The following CARMIL1 variants were observed in gnomAD, a reference collection of about 807,000 sequenced individuals.
CARMIL1 encodes the protein capping protein regulator and myosin 1 linker 1, also known as F-actin-uncapping protein LRRC16A.
In CARMIL1, 90 loss-of-function variants were observed where a neutral mutation model predicts 177.1. The observed-to-expected ratio is 0.51, with a 90% confidence interval of 0.43 to 0.61. The LOEUF (loss-of-function observed/expected upper bound fraction) is 0.61. Among genes scored for constraint, CARMIL1 ranks in the 20% least tolerant of loss-of-function variants. The pLI is 0.00. For missense variants in CARMIL1, 1,380 were observed against 1,667.0 expected (o/e 0.83, Z 3.00); for synonymous variants, 577 against 606.2 (o/e 0.95, Z 0.71).
At chr6:25,384,862 C>T (rs2150503933) in intron 2 of CARMIL1, among the ~76,000 whole-genome samples, 1 of 152,280 alleles carries the variant, frequency 6.6e-6, no homozygotes, top group East Asian at 1.9e-4. Flanking sequence ...TCTCGGCAAG[C>T]CTAACATCAT....
intron 8 of CARMIL1, among the ~76,000 whole-genome samples, chr6:25,457,321 G>A (rs1042425685): frequency 2.6e-5 from 4 of 151,978 alleles, no homozygotes; most frequent in South Asian, 4.2e-4. Context: ...TAGAGGGGAG[G>A]ATATGCAAAA....
chr6:25,593,741 C>T (rs1814549406), intron 31 of CARMIL1, among the ~76,000 whole-genome samples: 1 of 152,168 alleles, frequency 6.6e-6, no homozygotes, highest in Non-Finnish European at 1.5e-5. Context: ...TCACATATGC[C>T]TCACATAACT....
At chr6:25,413,340 G>C (rs946838010) in intron 2 of CARMIL1, among the ~76,000 whole-genome samples, 11 of 152,308 alleles carry the variant, frequency 7.2e-5, no homozygotes, top group South Asian at 2.1e-4. Context: ...TAAAGAAAAG[G>C]CACTCCTGGT....
chr6:25,382,103 T>A (rs1453462402), intron 2 of CARMIL1, among the ~76,000 whole-genome samples: 1 of 152,078 alleles, frequency 6.6e-6, no homozygotes, highest in Admixed American at 6.5e-5. Context: ...GAAGAACTTA[T>A]TTTTATTTTT....
chr6:25,503,833 T>C (rs539968221), intron 17 of CARMIL1, among the ~76,000 whole-genome samples: 270 of 152,216 alleles, frequency 1.8e-3, no homozygotes, highest in Non-Finnish European at 2.9e-3. Context: ...TTACTCAGGA[T>C]GAGGAGCTGG....
intron 10 of CARMIL1, 104 bp from the exon 11 acceptor site, chr6:25,472,323 G>A: frequency 1.4e-6 from 1 of 740,256 alleles, no homozygotes; most frequent in Non-Finnish European, 2.3e-6. Flanking sequence ...AATATTGTAA[G>A]GGAGGTTTCT....
intron 2 of CARMIL1, among the ~76,000 whole-genome samples, chr6:25,358,427 G>A (rs567919744): frequency 2.0e-5 from 3 of 152,236 alleles, no homozygotes; most frequent in South Asian, 2.1e-4. Context: ...GGTAGGAGAA[G>A]CATTACTTTT....
chr6:25,492,825 A>C (rs549347135), intron 15 of CARMIL1, among the ~76,000 whole-genome samples: 123 of 152,290 alleles, frequency 8.1e-4, no homozygotes, highest in African/African-American at 2.9e-3. Context: ...TTATTCCATA[A>C]CTGTGCCTTG....
At chr6:25,567,602 C>G (rs1231971742) in intron 29 of CARMIL1, among the ~76,000 whole-genome samples, 1 of 152,066 alleles carries the variant, frequency 6.6e-6, no homozygotes, top group African/African-American at 2.4e-5. Context: ...TCAGGTTTAA[C>G]CAAATATTCT....
At chr6:25,398,593 G>A (rs376257255) in intron 2 of CARMIL1, among the ~76,000 whole-genome samples, 1 of 152,202 alleles carries the variant, frequency 6.6e-6, no homozygotes, top group Non-Finnish European at 1.5e-5. Flanking sequence ...ATATGCAGAC[G>A]ACACAGGCTA....
At chr6:25,430,909 A>G (rs1021887020) in intron 4 of CARMIL1, among the ~76,000 whole-genome samples, 5 of 152,140 alleles carry the variant, frequency 3.3e-5, no homozygotes, top group African/African-American at 4.8e-5. Context: ...TATACTTCTA[A>G]TATCTGTAGA....
chr6:25,302,210 AG>A (rs1782909382), intron 2 of CARMIL1, among the ~76,000 whole-genome samples: 1 of 152,176 alleles, frequency 6.6e-6, no homozygotes, highest in Non-Finnish European at 1.5e-5. Flanking sequence ...CTTTCCTATT[AG>A]AACCAAGGAA....
chr6:25,554,043 G>A lies in CARMIL1; in HGVS notation c.2539G>A (p.Asp847Asn), dbSNP rs181145814. ...ATTGACAGTGGCCTCGTTCCTGTCTGATAGAATTGTGGATGAAATCCTGGA... is the reference window on the plus strand; with the variant it reads ...ATTGACAGTGGCCTCGTTCCTGTCTAATAGAATTGTGGATGAAATCCTGGA... The part of the protein sequence containing the change: ...VKLTVASFLS[D>N]RIVDEILDAL... Residue 847 changes from aspartate to asparagine, a missense_variant, in exon 28 of 37, where the codon GAT becomes AAT. Transcript: ENST00000329474. This position sits in a 1 kb window ranked among gnomAD's most constrained non-coding sequence, Gnocchi z 4.6. The A allele has an allele frequency of 6.4e-4, 1,020 of 1,602,528 alleles. 2 individuals are homozygous for A. The highest frequency in any genetic ancestry group is 1.1e-3 in the Admixed American group (62 of 58,644).
intron 3 of CARMIL1, chr6:25,420,452 A>T: frequency 3.0e-6 from 1 of 333,448 alleles, no homozygotes; most frequent in African/African-American, 2.1e-5. Context: ...CAAGAAAATC[A>T]GTGAAGGATT....
In CARMIL1 at chr6:25,333,737, A is replaced by AT. The variant is rs1785929342; in HGVS notation, c.138+48835dup. Reference sequence around the variant, plus strand: ...GCTTGAAATGCTATAACAGGTTGTCATTTTTTTGTAGTCATAGTGGGGATG... The same window carrying AT: ...GCTTGAAATGCTATAACAGGTTGTCATTTTTTTTGTAGTCATAGTGGGGATG... On this transcript the variant is annotated intron_variant, in intron 2 of 36. Transcript: ENST00000329474. Among the ~76,000 whole-genome samples the AT allele has an allele frequency of 1.4e-5, 2 of 148,120 alleles. 1 individual carries two copies. The highest frequency in any genetic ancestry group is 4.3e-4 in the South Asian group (2 of 4,698).
At chr6:25,446,966 T>C (rs1798296422) in intron 5 of CARMIL1, among the ~76,000 whole-genome samples, 1 of 152,194 alleles carries the variant, frequency 6.6e-6, no homozygotes, top group African/African-American at 2.4e-5. Flanking sequence ...TGCTGTCTTA[T>C]ATGGGTGTGA....
Position 25,465,868 on chromosome 6 carries a change from T to C in CARMIL1, c.615-5T>C, listed in dbSNP as rs369292747. The C allele has an allele frequency of 1.2e-6, 2 of 1,602,024 alleles. No homozygotes were observed. Among genetic ancestry groups the C allele is most frequent in the African/African-American group, 2.7e-5 (2 of 74,652 alleles). The stretch of plus-strand genomic sequence containing the variant: ...TTTCATGTACTTTGTTGTTTCTGCT[T>C]CCAGGGACCTAATACCTATCATTGC... On this transcript the variant is annotated splice_region_variant and splice_polypyrimidine_tract_variant and intron_variant, in intron 8 of 36. Transcript: ENST00000329474.
intron 2 of CARMIL1, among the ~76,000 whole-genome samples, chr6:25,347,486 A>C (rs919112623): frequency 6.6e-6 from 1 of 152,246 alleles, no homozygotes; most frequent in Non-Finnish European, 1.5e-5. Context: ...AGAGTGAAGA[A>C]GATTCAGAGC....
chr6:25,478,926 TG>T (rs1801836005), intron 11 of CARMIL1, among the ~76,000 whole-genome samples: 1 of 152,240 alleles, frequency 6.6e-6, no homozygotes, highest in Non-Finnish European at 1.5e-5. Flanking sequence ...GCCTTATTTT[TG>T]AAATGGAAAT....
Sources: gnomAD v4.1 joint callset for allele counts (sites outside exome capture counted in the v4.1 genomes callset) on GRCh38, gnomAD v4.1.1 for gene constraint, Gnocchi (gnomAD v3.1) non-coding constraint, MANE v1.5 for transcripts, NCBI Gene and HGNC (gene_info 2026-07-23, HGNC 2026-07-21) for gene names.